Variants in SLC24A2 observed in about 807,000 individuals in gnomAD.
SLC24A2 encodes the protein solute carrier family 24 member 2.
A neutral mutation model predicts 62.0 loss-of-function variants in SLC24A2; 36 were observed. The ratio of observed to expected loss-of-function variants is 0.58; its 90% CI spans 0.44 to 0.77. The LOEUF is 0.77. Ranked by LOEUF, SLC24A2 falls within the 30% of genes least tolerant of loss-of-function variation. The pLI is 0.00. For missense variants in SLC24A2, 846 were observed against 817.9 expected, an observed-to-expected ratio of 1.03 and a Z score of -0.42; for synonymous variants, 358 against 294.0, an observed-to-expected ratio of 1.22 and a Z score of -2.23.
the SLC24A2 span, among the ~76,000 whole-genome samples, chr9:19,904,737 T>C: frequency 6.6e-6 from 1 of 152,364 alleles, no homozygotes; most frequent in South Asian, 2.1e-4. Flanking sequence ...TTATAGTCTC[T>C]TGGGCATTTA....
At chr9:20,115,129 G>C in the SLC24A2 span, among the ~76,000 whole-genome samples, 1 of 152,098 alleles carries the variant, frequency 6.6e-6, no homozygotes, top group African/African-American at 2.4e-5. Context: ...AGTTCCTCTG[G>C]GCTCTGGGGA....
the SLC24A2 span, among the ~76,000 whole-genome samples, chr9:19,803,631 C>A: frequency 6.1e-4 from 93 of 152,194 alleles, no homozygotes; most frequent in African/African-American, 1.7e-3. Context: ...TTCTCAATAA[C>A]TTTATATTTA....
At chr9:19,598,844 G>A (rs1836772198) in intron 4 of SLC24A2, among the ~76,000 whole-genome samples, 1 of 152,140 alleles carries the variant, frequency 6.6e-6, no homozygotes, top group Non-Finnish European at 1.5e-5. Context: ...GTGTTTGCAT[G>A]TGTGAGTAAT....
chr9:20,196,383 C>T, the SLC24A2 span, among the ~76,000 whole-genome samples: 1 of 152,214 alleles, frequency 6.6e-6, no homozygotes, highest in South Asian at 2.1e-4. Flanking sequence ...CATTTTCTAA[C>T]TAGTGAGTTT....
At chr9:20,073,526 T>C in the SLC24A2 span, among the ~76,000 whole-genome samples, 14 of 152,210 alleles carry the variant, frequency 9.2e-5, no homozygotes, top group Non-Finnish European at 1.8e-4. Flanking sequence ...GGTGTGTACA[T>C]CAGGGGGTGG....
In SLC24A2 at chr9:19,549,272, C is replaced by A. The variant is rs548244752; in HGVS notation, c.1479+865G>T. Reference sequence around the variant, plus strand: ...CCCTTCTTACCTTCTCAGAGACAAACGCTGTGGGGGTTTTAAAACATGTTT... The same window carrying A: ...CCCTTCTTACCTTCTCAGAGACAAAAGCTGTGGGGGTTTTAAAACATGTTT... On this transcript the variant is annotated intron_variant, in intron 8 of 10. Coordinates refer to ENST00000341998, the MANE Select transcript of SLC24A2 (RefSeq NM_020344.4). Among the ~76,000 whole-genome samples, 4 of 152,184 alleles carry A rather than the reference C, an allele frequency of 2.6e-5. No individual in the cohort carries two copies. The East Asian group carries it at 7.7e-4, about 29-fold the overall frequency.
intron 7 of SLC24A2, among the ~76,000 whole-genome samples, chr9:19,563,269 G>A (rs968415616): frequency 6.6e-6 from 1 of 152,112 alleles, no homozygotes; most frequent in African/African-American, 2.4e-5. Flanking sequence ...CTTCTTGGGT[G>A]GCAGAACCTC....
At chr9:20,261,697 C>G in the SLC24A2 span, among the ~76,000 whole-genome samples, 2 of 150,768 alleles carry the variant, frequency 1.3e-5, no homozygotes, top group African/African-American at 4.9e-5. Flanking sequence ...TAAAGTAAAG[C>G]CTGGCCATTT....
the SLC24A2 span, among the ~76,000 whole-genome samples, chr9:19,840,099 A>G: frequency 2.0e-5 from 3 of 152,230 alleles, no homozygotes; most frequent in Non-Finnish European, 4.4e-5. Flanking sequence ...AACTCAAAAC[A>G]TAACAAAATC....
intron 2 of SLC24A2, among the ~76,000 whole-genome samples, chr9:19,733,669 T>G (rs1479518387): frequency 6.6e-6 from 1 of 152,222 alleles, no homozygotes; most frequent in East Asian, 1.9e-4. Context: ...TTTCTTGTTA[T>G]AAAAATAATC....
chr9:19,935,787 T>C, the SLC24A2 span, among the ~76,000 whole-genome samples: 7 of 152,240 alleles, frequency 4.6e-5, no homozygotes, highest in Non-Finnish European at 1.0e-4. Flanking sequence ...ACCACCAAGT[T>C]AAAACATGGT....
chr9:19,909,324 G>A, the SLC24A2 span, among the ~76,000 whole-genome samples: 2 of 151,786 alleles, frequency 1.3e-5, no homozygotes, highest in East Asian at 1.9e-4. Flanking sequence ...ACACACAGGG[G>A]CCTGTTGTGG....
At chr9:19,837,181 G>T in the SLC24A2 span, among the ~76,000 whole-genome samples, 1 of 151,810 alleles carries the variant, frequency 6.6e-6, no homozygotes, top group Non-Finnish European at 1.5e-5. Flanking sequence ...GGCCGGGTGC[G>T]GTGGCTCACG....
the SLC24A2 span, among the ~76,000 whole-genome samples, chr9:20,252,118 C>T: frequency 6.6e-6 from 1 of 152,118 alleles, no homozygotes; most frequent in Non-Finnish European, 1.5e-5. Context: ...ACAAAGACTA[C>T]AAGACAATGT....
At position 19,508,893 on chromosome 9, in the gene SLC24A2, T is replaced by C. The variant is rs1380940376; in HGVS notation, c.*7260A>G. Reference sequence around the variant, plus strand: ...ATATGTGTGTGTAAACAGTGTACCATACTAGGTTAGAAATTGTGTATTTTA... The same window carrying C: ...ATATGTGTGTGTAAACAGTGTACCACACTAGGTTAGAAATTGTGTATTTTA... On this transcript the variant is annotated 3_prime_UTR_variant, in exon 11 of 11. Coordinates refer to ENST00000341998, the MANE Select transcript of SLC24A2 (RefSeq NM_020344.4). The C allele has an allele frequency of 6.6e-6, 1 of 152,202 alleles. No individual in the cohort carries two copies. The highest frequency in any genetic ancestry group is 1.5e-5 in the Non-Finnish European group (1 of 68,042). The allele number at this position is 152,202 out of a possible 1,614,324, so 9.4% of individuals were successfully genotyped here. A position where few individuals can be genotyped will look rare whatever the true frequency, so the allele number is the denominator to read the frequency against.
chr9:19,926,490 C>T, the SLC24A2 span: 3 of 152,148 alleles, frequency 2.0e-5, no homozygotes, highest in Non-Finnish European at 4.4e-5. Context: ...AAATGTCATC[C>T]AATCAGTGTC....
the SLC24A2 span, among the ~76,000 whole-genome samples, chr9:20,047,564 T>A: frequency 7.0e-6 from 1 of 143,622 alleles, no homozygotes; most frequent in Non-Finnish European, 1.6e-5. Flanking sequence ...AGATCTGCAA[T>A]GGAAGATGGC....
chr9:19,864,876 T>C, the SLC24A2 span, among the ~76,000 whole-genome samples: 1 of 151,632 alleles, frequency 6.6e-6, no homozygotes, highest in African/African-American at 2.4e-5. Flanking sequence ...GATATCCAAA[T>C]TGGAAAGGAA....
chr9:20,175,652 C>G, the SLC24A2 span, among the ~76,000 whole-genome samples: 5 of 151,978 alleles, frequency 3.3e-5, no homozygotes, highest in African/African-American at 1.2e-4. Flanking sequence ...CTGTCACACA[C>G]TTTCTTTAAA....
Sources: allele counts gnomAD v4.1 joint callset (sites outside exome capture counted in the v4.1 genomes callset), GRCh38; gene constraint gnomAD v4.1.1; transcripts MANE v1.5; gene names NCBI Gene and HGNC (gene_info 2026-07-23, HGNC 2026-07-21).